The following GALNTL6 variants were observed in gnomAD, a reference collection of about 807,000 sequenced individuals.
GALNTL6 encodes polypeptide N-acetylgalactosaminyltransferase like 6, also known as polypeptide N-acetylgalactosaminyltransferase-like 6.
In GALNTL6, 46 loss-of-function variants were observed where a neutral mutation model predicts 73.7. That is an observed-to-expected ratio of 0.62 (90% CI 0.49 to 0.80). The LOEUF (loss-of-function observed/expected upper bound fraction) is 0.80. Ranked by LOEUF, GALNTL6 falls within the 30% of genes least tolerant of loss-of-function variation. The pLI is 0.00. For synonymous variants in GALNTL6, 259 were observed against 263.7 expected (o/e 0.98, Z 0.17); for missense variants, 604 against 755.0 (o/e 0.80, Z 2.34).
chr4:172,018,439 A>G (rs527490304), intron 2 of GALNTL6, among the ~76,000 whole-genome samples: 2 of 152,114 alleles, frequency 1.3e-5, no homozygotes, highest in African/African-American at 4.8e-5. Context: ...AATGTTCCAG[A>G]GGGGAGTATG....
chr4:172,386,947 C>T (rs1396861288), intron 5 of GALNTL6, among the ~76,000 whole-genome samples: 1 of 152,142 alleles, frequency 6.6e-6, no homozygotes. Context: ...GCCAAACCAT[C>T]TGAGTTTCCT....
chr4:171,891,200 C>A lies in GALNTL6; in HGVS notation c.138+76482C>A, dbSNP rs1736750281. 1.3e-5 allele frequency among the ~76,000 whole-genome samples: 2 copies of A among 152,148 alleles called. 1 individual carries two copies. The highest frequency in any genetic ancestry group is 1.3e-4 in the Admixed American group (2 of 15,262). On this transcript the variant is annotated intron_variant, in intron 2 of 12. Transcript: ENST00000506823. ...TGTTTGCTACTTTAGAGAGTGAAGT[C>A]ATTGTGAAACTAGAACAGATGTTTT...
chr4:172,113,892 C>T (rs926245755), intron 2 of GALNTL6, among the ~76,000 whole-genome samples: 2 of 151,960 alleles, frequency 1.3e-5, no homozygotes, highest in East Asian at 1.9e-4. Flanking sequence ...ACTTTTTATT[C>T]GTTTACTTGT....
At chr4:172,825,098 CTTTCT>C (rs1285992524) in intron 7 of GALNTL6, among the ~76,000 whole-genome samples, 115 of 77,034 alleles carry the variant, frequency 1.5e-3, no homozygotes, top group Non-Finnish European at 2.4e-3. Flanking sequence ...TTCTTTCTTT[CTTTCT>C]TTCTTTCTTT....
intron 5 of GALNTL6, among the ~76,000 whole-genome samples, chr4:172,541,895 G>A (rs1158874162): frequency 6.6e-6 from 1 of 151,960 alleles, no homozygotes; most frequent in Non-Finnish European, 1.5e-5. Context: ...ACCTTATCAG[G>A]AAGCTGCTGA....
intron 5 of GALNTL6, among the ~76,000 whole-genome samples, chr4:172,806,407 A>G (rs902453189): frequency 6.6e-6 from 1 of 152,230 alleles, no homozygotes; most frequent in Non-Finnish European, 1.5e-5. Flanking sequence ...GAAAAATAAA[A>G]AACATGTAGA....
At chr4:172,947,581 A>G (rs984797565) in intron 9 of GALNTL6, among the ~76,000 whole-genome samples, 2 of 67,118 alleles carry the variant, frequency 3.0e-5, no homozygotes, top group African/African-American at 8.3e-5. Flanking sequence ...CCCCTTGATA[A>G]ATTTTTTTTT....
At chr4:172,385,033 T>G (rs575597052) in intron 5 of GALNTL6, among the ~76,000 whole-genome samples, 89 of 151,202 alleles carry the variant, frequency 5.9e-4, no homozygotes, top group Non-Finnish European at 1.2e-3. Context: ...TTTTTGTTTT[T>G]TTTTTTTTAC....
intron 10 of GALNTL6, among the ~76,000 whole-genome samples, chr4:173,002,598 T>A (rs933663962): frequency 1.3e-5 from 2 of 151,408 alleles, no homozygotes; most frequent in Non-Finnish European, 2.9e-5. Context: ...ATCGAGACCA[T>A]CCTGGCTAAT....
At chr4:172,750,337 A>G (rs1257753569) in intron 5 of GALNTL6, among the ~76,000 whole-genome samples, 2 of 152,222 alleles carry the variant, frequency 1.3e-5, no homozygotes, top group Admixed American at 6.5e-5. Flanking sequence ...GAAGTCTTCT[A>G]TCTAATCAAG....
chr4:172,623,693 C>G (rs1371492853), intron 5 of GALNTL6, among the ~76,000 whole-genome samples: 1 of 152,066 alleles, frequency 6.6e-6, no homozygotes, highest in African/African-American at 2.4e-5. Context: ...TAATTCTTGG[C>G]TGACATTCTA....
intron 7 of GALNTL6, among the ~76,000 whole-genome samples, chr4:172,822,035 G>A (rs1170214082): frequency 6.6e-6 from 1 of 152,172 alleles, no homozygotes; most frequent in East Asian, 1.9e-4. Flanking sequence ...CTTTGTCAGG[G>A]TCAGAAATGA....
chr4:172,560,944 T>A (rs1050428794), intron 5 of GALNTL6, among the ~76,000 whole-genome samples: 3 of 152,136 alleles, frequency 2.0e-5, no homozygotes, highest in Admixed American at 6.5e-5. Context: ...TAAGAAAATT[T>A]AAGCACATAA....
At chr4:172,468,916 C>T (rs767211420) in intron 5 of GALNTL6, among the ~76,000 whole-genome samples, 3 of 152,154 alleles carry the variant, frequency 2.0e-5, no homozygotes, top group African/African-American at 4.8e-5. Context: ...CAGCTGGCTT[C>T]GTGTTAGGCT....
At chr4:173,014,731 T>G (rs1298131588) in intron 11 of GALNTL6, among the ~76,000 whole-genome samples, 1 of 152,196 alleles carries the variant, frequency 6.6e-6, no homozygotes, top group Admixed American at 6.5e-5. Flanking sequence ...TATTTTCTGC[T>G]GTCTCAAGTC....
intron 2 of GALNTL6, among the ~76,000 whole-genome samples, chr4:172,093,674 T>A (rs966126162): frequency 7.2e-5 from 11 of 152,188 alleles, no homozygotes; most frequent in African/African-American, 2.7e-4. Context: ...GCATCAGCAT[T>A]AGATTCTCAT....
chr4:172,478,456 C>T (rs1490535838), intron 5 of GALNTL6, among the ~76,000 whole-genome samples: 1 of 152,158 alleles, frequency 6.6e-6, no homozygotes. Flanking sequence ...ATTGGATAGA[C>T]ATAGGCAGAA....
At chr4:172,200,112 AT>A (rs1487565988) in intron 2 of GALNTL6, among the ~76,000 whole-genome samples, 2 of 152,200 alleles carry the variant, frequency 1.3e-5, no homozygotes, top group African/African-American at 4.8e-5. Flanking sequence ...TGTCCTCAAA[AT>A]CATCAGTAAT....
intron 3 of GALNTL6, among the ~76,000 whole-genome samples, chr4:172,286,363 G>A (rs1249213583): frequency 6.6e-6 from 1 of 152,142 alleles, no homozygotes; most frequent in African/African-American, 2.4e-5. Flanking sequence ...GTGGCTGCTT[G>A]AAGAAAATAA....
Sources: gnomAD v4.1 joint callset for allele counts (sites outside exome capture counted in the v4.1 genomes callset) on GRCh38, gnomAD v4.1.1 for gene constraint, MANE v1.5 for transcripts, NCBI Gene and HGNC (gene_info 2026-07-23, HGNC 2026-07-21) for gene names.